Variants in TMEM26 observed in about 807,000 individuals in gnomAD.
The protein encoded by TMEM26 is transmembrane protein 26.
Under a neutral mutation model 28.8 loss-of-function variants are expected in TMEM26, and 38 were observed. The ratio of observed to expected loss-of-function variants is 1.32; its 90% CI spans 1.02 to 1.73. The LOEUF (loss-of-function observed/expected upper bound fraction) is 1.73. Ranked by LOEUF, TMEM26 falls within the 40% of genes most tolerant of loss-of-function variation. The pLI is 0.00. For missense variants in TMEM26, 518 were observed against 447.1 expected, an observed-to-expected ratio of 1.16 and a Z score of -1.43; for synonymous variants, 227 against 182.9, an observed-to-expected ratio of 1.24 and a Z score of -1.95.
chr10:61,431,231 A>T lies in TMEM26; in HGVS notation c.372T>A (p.Asp124Glu). 3 of 1,612,654 alleles carry T rather than the reference A, an allele frequency of 1.9e-6. No homozygotes were observed. Among genetic ancestry groups the T allele is most frequent in the Non-Finnish European group, 2.5e-6 (3 of 1,178,948 alleles). ...TSNEQTSRAD[D>E]LIETAKVFVN... ...GAAAAGCTCTCACCGTCTCAATGAG[A>T]TCATCAGCTCTACTGGTTTGTTCAT... Residue 124 changes from aspartate to glutamate, a missense_variant, in exon 3 of 6, where the codon GAT becomes GAA. Physicochemically the swap from Asp to Glu is conservative, Grantham distance 45. Coordinates refer to ENST00000399298, the MANE Select transcript of TMEM26 (RefSeq NM_178505.8).
chr10:61,425,155 G>A (rs931964257), intron 4 of TMEM26, among the ~76,000 whole-genome samples: 1 of 152,048 alleles, frequency 6.6e-6, no homozygotes, highest in Non-Finnish European at 1.5e-5. Flanking sequence ...AGGCAAAGAG[G>A]GCTTGTGCAG....
Position 61,427,571 on chromosome 10 carries a change from T to G in TMEM26, c.605+1355A>C, listed in dbSNP as rs1839852459. On this transcript the variant is annotated intron_variant, in intron 4 of 5. Coordinates refer to ENST00000399298, the MANE Select transcript of TMEM26 (RefSeq NM_178505.8). Reference sequence around the variant, plus strand: ...TTATTGGAAAACACAGATCTATAAATTGCTCCTTGGTGTCACTTCTGGATG... The same window carrying G: ...TTATTGGAAAACACAGATCTATAAAGTGCTCCTTGGTGTCACTTCTGGATG... Among the ~76,000 whole-genome samples, 3 of 152,128 alleles carry G rather than the reference T, an allele frequency of 2.0e-5. No homozygotes were observed. In the South Asian group the frequency reaches 6.2e-4, roughly 31 times the overall value.
chr10:61,434,247 C>G (rs1839967238), intron 2 of TMEM26, among the ~76,000 whole-genome samples: 1 of 152,110 alleles, frequency 6.6e-6, no homozygotes, highest in Non-Finnish European at 1.5e-5. Flanking sequence ...TGAGTCAAAT[C>G]CATTACTACT....
intron 1 of TMEM26, among the ~76,000 whole-genome samples, chr10:61,441,810 C>A (rs1018763982): frequency 1.3e-5 from 2 of 152,140 alleles, no homozygotes; most frequent in East Asian, 3.9e-4. Context: ...TGTCAGAATA[C>A]CAAACTTGTC....
chr10:61,436,103 A>G, intron 2 of TMEM26, 67 bp downstream of exon 2: 3 of 1,011,342 alleles, frequency 3.0e-6, no homozygotes, highest in South Asian at 1.6e-5. Flanking sequence ...CCGAAAATAA[A>G]CTGGATCATA....
intron 4 of TMEM26, among the ~76,000 whole-genome samples, chr10:61,421,684 T>C (rs1483731989): frequency 1.3e-5 from 2 of 151,942 alleles, no homozygotes; most frequent in Non-Finnish European, 2.9e-5. Flanking sequence ...CACCAGAAAC[T>C]AGGAGAGAAG....
rs1839547584 is a variant in TMEM26 at position 61,410,344 on chromosome 10, T to A, written c.1085A>T (p.Asp362Val). 1 of 1,612,930 alleles carries A rather than the reference T, an allele frequency of 6.2e-7. No individual in the cohort carries two copies. Among genetic ancestry groups the A allele is most frequent in the Non-Finnish European group, 8.5e-7 (1 of 1,179,288 alleles). ...TAACTAAGGGGTGTGGTGGGAGTCG[T>A]CGGAGGTGACTGGGGAGCCCCGCAA... is the stretch of plus-strand genomic sequence containing the variant. ...IPLRGSPVTS[D>V]DSHHTP The change falls in exon 6 of 6, where the codon GAC (aspartate) becomes GTC (valine). Residue 362 changes from aspartate to valine, a missense_variant. Coordinates refer to ENST00000399298, the MANE Select transcript of TMEM26 (RefSeq NM_178505.8).
chr10:61,442,216 A>G (rs1382325354), intron 1 of TMEM26, among the ~76,000 whole-genome samples: 1 of 152,194 alleles, frequency 6.6e-6, no homozygotes, highest in Admixed American at 6.5e-5. Context: ...TTTCTACAAA[A>G]TGATATGTCA....
intron 1 of TMEM26, among the ~76,000 whole-genome samples, chr10:61,439,710 CA>C (rs1356995444): frequency 2.6e-5 from 4 of 152,148 alleles, no homozygotes; most frequent in Non-Finnish European, 5.9e-5. Context: ...AAATAATACC[CA>C]TCTCATAGTG....
At chr10:61,421,164 T>C (rs1436016928) in intron 4 of TMEM26, among the ~76,000 whole-genome samples, 2 of 151,982 alleles carry the variant, frequency 1.3e-5, no homozygotes, top group African/African-American at 4.8e-5. Flanking sequence ...TTTTAAAATG[T>C]ATATTGTAAC....
At chr10:61,412,265 T>G (rs1212505607) in intron 5 of TMEM26, among the ~76,000 whole-genome samples, 2 of 152,156 alleles carry the variant, frequency 1.3e-5, no homozygotes, top group Non-Finnish European at 2.9e-5. Context: ...TGTGTGTGTG[T>G]GTTAGCATAC....
At chr10:61,428,889 C>T in intron 4 of TMEM26, 37 bp downstream of exon 4, 1 of 1,586,824 alleles carries the variant, frequency 6.3e-7, no homozygotes, top group Non-Finnish European at 8.6e-7. Flanking sequence ...GGTCTTGACC[C>T]TGAAAACAAG....
At chr10:61,421,919 A>G (rs1251464613) in intron 4 of TMEM26, among the ~76,000 whole-genome samples, 1 of 152,142 alleles carries the variant, frequency 6.6e-6, no homozygotes, top group Non-Finnish European at 1.5e-5. Context: ...AGCTGTTTAT[A>G]AGGGACAGAA....
Position 61,428,952 on chromosome 10 carries a change from A to G in TMEM26, c.579T>C (p.Ser193=), listed in dbSNP as rs758432985. ...TCACATTTTGTTCTTCTAGGGTCTCACTTGTGAATTCCAGTATGTCAGCCG... is the reference window on the plus strand; with the variant it reads ...TCACATTTTGTTCTTCTAGGGTCTCGCTTGTGAATTCCAGTATGTCAGCCG... The part of the protein sequence containing the change: ...GTAADILEFT[S]ETLEEQNVRN... Residue 193 remains serine, a synonymous_variant, in exon 4 of 6, where the codon AGT becomes AGC. Coordinates refer to ENST00000399298, the MANE Select transcript of TMEM26 (RefSeq NM_178505.8). 22 of 1,613,078 alleles carry G rather than the reference A, an allele frequency of 1.4e-5. No individual in the cohort carries two copies. In the Middle Eastern group the frequency reaches 6.6e-4, roughly 48 times the overall value.
At chr10:61,422,062 G>T (rs1203759787) in intron 4 of TMEM26, among the ~76,000 whole-genome samples, 1 of 151,930 alleles carries the variant, frequency 6.6e-6, no homozygotes, top group Non-Finnish European at 1.5e-5. Context: ...TATTACTAAA[G>T]AAAAAGTGAT....
At chr10:61,431,856 C>A (rs564826178) in intron 2 of TMEM26, among the ~76,000 whole-genome samples, 10 of 152,018 alleles carry the variant, frequency 6.6e-5, no homozygotes, top group African/African-American at 2.4e-4. Flanking sequence ...ACCTGATAAG[C>A]AGCCTTCCAA....
intron 4 of TMEM26, among the ~76,000 whole-genome samples, chr10:61,425,372 AT>A (rs1351039777): frequency 6.6e-6 from 1 of 152,148 alleles, no homozygotes; most frequent in East Asian, 1.9e-4. Flanking sequence ...AAGAAATTAC[AT>A]TTCTCATTTA....
At chr10:61,417,766 A>C (rs1475822093) in intron 4 of TMEM26, among the ~76,000 whole-genome samples, 6 of 152,038 alleles carry the variant, frequency 3.9e-5, no homozygotes, top group Non-Finnish European at 8.8e-5. Context: ...TGATCTCCAA[A>C]GGTGTGAATG....
intron 1 of TMEM26, among the ~76,000 whole-genome samples, chr10:61,450,959 T>C (rs1476171057): frequency 6.6e-6 from 1 of 152,216 alleles, no homozygotes; most frequent in African/African-American, 2.4e-5. Flanking sequence ...CAACATATAT[T>C]ATTTTATATA....
Sources: gnomAD v4.1 joint callset for allele counts (sites outside exome capture counted in the v4.1 genomes callset) on GRCh38, gnomAD v4.1.1 for gene constraint, MANE v1.5 for transcripts, NCBI Gene and HGNC (gene_info 2026-07-23, HGNC 2026-07-21) for gene names.